Variants in DNAH6 observed in about 807,000 individuals in gnomAD.
DNAH6 encodes axonemal beta dynein heavy chain 6.
In DNAH6, 340 loss-of-function variants were observed where a neutral mutation model predicts 491.4. The ratio of observed to expected loss-of-function variants is 0.69; its 90% CI spans 0.63 to 0.76. The LOEUF is 0.76. DNAH6 is among the 30% of genes least tolerant of loss of function. The pLI is 0.00. For synonymous variants in DNAH6, 1,603 were observed against 1,686.1 expected, an observed-to-expected ratio of 0.95 and a Z score of 1.21; for missense variants, 4,443 against 4,972.2, an observed-to-expected ratio of 0.89 and a Z score of 3.20.
intron 12 of DNAH6, among the ~76,000 whole-genome samples, chr2:84,575,656 G>T (rs970740171): frequency 6.6e-6 from 1 of 152,204 alleles, no homozygotes; most frequent in South Asian, 2.1e-4. Flanking sequence ...AGGCCGAGGC[G>T]GGGGGATCAC....
In DNAH6 at chr2:84,658,462, T is replaced by A; in HGVS notation, c.5928T>A (p.Val1976=). Residue 1976 remains valine (V), a synonymous_variant, in exon 36 of 77, where the codon GTT becomes GTA. Coordinates refer to ENST00000389394, the MANE Select transcript of DNAH6 (RefSeq NM_001370.2). ...LESLILGKDG[V]NLAMEQTKLN... is the part of the protein sequence containing the mutation. The stretch of plus-strand genomic sequence containing the variant: ...CCTTGATACTTGGGAAAGATGGAGT[T>A]AACTTGGCAATGGTATGAAGAGTTT... 1.3e-6 allele frequency: 2 copies of A among 1,514,326 alleles called. No individual in the cohort carries two copies. Among genetic ancestry groups the A allele is most frequent in the Non-Finnish European group, 1.8e-6 (2 of 1,129,610 alleles). 93.8% of individuals were successfully genotyped at this position (1,514,326 alleles called of 1,614,324 possible).
Position 84,694,442 on chromosome 2 carries a change from G to A in DNAH6, c.7486G>A (p.Glu2496Lys), listed in dbSNP as rs1448505343. The A allele has an allele frequency of 7.7e-6, 12 of 1,551,822 alleles. No individual in the cohort carries two copies. The highest frequency in any genetic ancestry group is 3.5e-6 in the Non-Finnish European group (4 of 1,147,044). ...LRKLYKMAGV[E>K]DKNMVFLFTD... ...GAAGTTGTACAAAATGGCTGGTGTAGAAGACAAGAATATGGTTTTCCTTTT... is the reference window on the plus strand; with the variant it reads ...GAAGTTGTACAAAATGGCTGGTGTAAAAGACAAGAATATGGTTTTCCTTTT... The change falls in exon 46 of 77, where the codon GAA (glutamate) becomes AAA (lysine). Residue 2496 changes from glutamate (E) to lysine (K), a missense_variant. This residue lies in a region of DNAH6 where 2,977 missense variants were observed against 3,296.6 expected (regional missense o/e 0.90). Transcript: ENST00000389394.
chr2:84,517,686 C>A, intron 1 of DNAH6, 133 bp from the exon 2 acceptor site: 1 of 679,754 alleles, frequency 1.5e-6, no homozygotes, highest in Non-Finnish European at 2.4e-6. Flanking sequence ...ACTGGGGTAA[C>A]TTTGATGGGT....
chr2:84,548,057 A>C (rs1216386582), intron 7 of DNAH6, among the ~76,000 whole-genome samples: 2 of 152,210 alleles, frequency 1.3e-5, no homozygotes, highest in Non-Finnish European at 1.5e-5. Context: ...TAATATACAG[A>C]TCAAATCCTG....
chr2:84,653,372 G>A lies in DNAH6; in HGVS notation c.5132G>A (p.Gly1711Asp). The A allele has an allele frequency of 1.3e-6, 2 of 1,549,916 alleles. No individual in the cohort carries two copies. The highest frequency in any genetic ancestry group is 2.4e-5 in the South Asian group (2 of 83,880). ...PGVQIPEHDYGILQSTIVDVM... is the reference protein window; with the variant it reads ...PGVQIPEHDYDILQSTIVDVM... ...GTCCAAATTCCAGAACATGATTATG[G>A]TATTTTACAATCAACAATTGTGGAT... The change falls in exon 34 of 77, where the codon GGT becomes GAT. Residue 1711 changes from glycine to aspartate, a missense_variant. By Grantham distance (94) the Gly-to-Asp change is moderately conservative. Transcript: ENST00000389394.
At chr2:84,512,719 T>C (rs1276236283), upstream of DNAH6, among the ~76,000 whole-genome samples, 1 of 152,202 alleles carries the variant, frequency 6.6e-6, no homozygotes, top group Non-Finnish European at 1.5e-5. Context: ...TCTAGCTTCT[T>C]GATGGATTGA....
intron 51 of DNAH6, among the ~76,000 whole-genome samples, chr2:84,704,658 G>A (rs1696258963): frequency 6.6e-6 from 1 of 152,172 alleles, no homozygotes; most frequent in South Asian, 2.1e-4. Context: ...GTTGGATAGT[G>A]GGACCATAGG....
At chr2:84,475,769 C>T in the DNAH6 span, among the ~76,000 whole-genome samples, 2 of 152,158 alleles carry the variant, frequency 1.3e-5, no homozygotes, top group Admixed American at 1.3e-4. Context: ...TCAGTTACGG[C>T]TTTATACACA....
In DNAH6 at chr2:84,605,436, G is replaced by A. The variant is rs186910843; in HGVS notation, c.3082-64G>A. On this transcript the variant is annotated intron_variant, in intron 19 of 76. Transcript: ENST00000389394. ...GGAGTTTTTATTTATTTCATTTCAC[G>A]TGCATTTATTGAGTATCTAAACACA... is the stretch of plus-strand genomic sequence containing the variant. 5.3e-5 allele frequency: 56 copies of A among 1,048,184 alleles called. No individual in the cohort carries two copies. The African/African-American group carries it at 7.6e-4, about 14-fold the overall frequency. 64.9% of individuals were successfully genotyped at this position (1,048,184 alleles called of 1,614,324 possible). A position where few individuals can be genotyped will look rare whatever the true frequency, so the allele number is the denominator to read the frequency against.
In DNAH6 at chr2:84,577,357, T is replaced by C. The variant is rs1190735672; in HGVS notation, c.2025T>C (p.Asp675=). 1.9e-6 allele frequency: 3 copies of C among 1,611,904 alleles called. No individual in the cohort carries two copies. The African/African-American group carries it at 4.0e-5, about 22-fold the overall frequency. The change falls in exon 13 of 77, where the codon GAT becomes GAC. Residue 675 remains aspartate, a synonymous_variant. Coordinates refer to ENST00000389394, the MANE Select transcript of DNAH6 (RefSeq NM_001370.2). ...PTRNVGLLLI[D]TRLLREKLIP... The stretch of plus-strand genomic sequence containing the variant: ...GAAATGTAGGATTGCTGCTCATTGA[T>C]ACTAGGCTTCTAAGAGAAAAATTAA...
rs1686347722 is a variant in DNAH6, at chr2:84,611,654, T to G, written c.3295-20T>G. Reference sequence around the variant, plus strand: ...TAATTGGGGAATTAAAATTTGACAGTGTCCATATTTTTCTCCTAGGAAGAG... The same window carrying G: ...TAATTGGGGAATTAAAATTTGACAGGGTCCATATTTTTCTCCTAGGAAGAG... On this transcript the variant is annotated intron_variant, in intron 21 of 76. Coordinates refer to ENST00000389394, the MANE Select transcript of DNAH6 (RefSeq NM_001370.2). The G allele has an allele frequency of 6.5e-7, 1 of 1,537,176 alleles. No homozygotes were observed. Among genetic ancestry groups the G allele is most frequent in the Non-Finnish European group, 8.8e-7 (1 of 1,136,780 alleles).
intron 76 of DNAH6, 45 bp downstream of exon 76, chr2:84,816,128 T>C (rs1388831327): frequency 6.9e-7 from 1 of 1,443,010 alleles, no homozygotes; most frequent in African/African-American, 1.4e-5. Flanking sequence ...CCAAATGCAA[T>C]CTTCAATCAA....
intron 10 of DNAH6, among the ~76,000 whole-genome samples, chr2:84,553,628 A>T (rs376379942): frequency 3.4e-3 from 307 of 90,974 alleles, no homozygotes; most frequent in African/African-American, 5.1e-3. Flanking sequence ...AGGACTGGCT[A>T]TTTTTTTTTT....
chr2:84,631,585 A>T (rs893332327), intron 29 of DNAH6, among the ~76,000 whole-genome samples: 4 of 152,178 alleles, frequency 2.6e-5, no homozygotes, highest in Non-Finnish European at 4.4e-5. Flanking sequence ...AAAAATGTAG[A>T]TATAGATACA....
the DNAH6 span, among the ~76,000 whole-genome samples, chr2:84,483,963 C>T: frequency 6.6e-6 from 1 of 152,138 alleles, no homozygotes; most frequent in East Asian, 1.9e-4. Context: ...GTGCAGGGGA[C>T]ACCTGTTACA....
the DNAH6 span, among the ~76,000 whole-genome samples, chr2:84,508,371 T>A: frequency 2.0e-5 from 3 of 152,340 alleles, no homozygotes; most frequent in South Asian, 6.2e-4. Flanking sequence ...GTTTATAGTA[T>A]TCTCTGATGG....
the DNAH6 span, chr2:84,460,024 GACAA>G: frequency 1.3e-5 from 2 of 152,200 alleles, no homozygotes; most frequent in African/African-American, 4.8e-5. Flanking sequence ...TCCCTGATTG[GACAA>G]ACAGTTCCCT....
intron 11 of DNAH6, among the ~76,000 whole-genome samples, chr2:84,567,258 G>A (rs181050805): frequency 7.3e-5 from 11 of 151,722 alleles, no homozygotes; most frequent in Admixed American, 1.3e-4. Flanking sequence ...AAACTAGGTA[G>A]AAAAATGGTC....
intron 29 of DNAH6, among the ~76,000 whole-genome samples, chr2:84,625,764 A>G (rs1687802448): frequency 6.6e-6 from 1 of 152,192 alleles, no homozygotes; most frequent in Admixed American, 6.5e-5. Flanking sequence ...CTATTATGCT[A>G]ATATTTGGCA....
Sources: allele counts gnomAD v4.1 joint callset (sites outside exome capture counted in the v4.1 genomes callset), GRCh38; gene constraint gnomAD v4.1.1; regional missense constraint gnomAD v4.1.1; transcripts MANE v1.5; gene names NCBI Gene and HGNC (gene_info 2026-07-23, HGNC 2026-07-21).